The following MARCHF3 variants were observed in gnomAD, a reference collection of about 807,000 sequenced individuals.
MARCHF3 encodes the protein E3 ubiquitin-protein ligase MARCHF3.
Under a neutral mutation model 24.2 loss-of-function variants are expected in MARCHF3, and 13 were observed. That is an observed-to-expected ratio of 0.54 (90% CI 0.35 to 0.85). The LOEUF (loss-of-function observed/expected upper bound fraction) is 0.85, where lower values mean the gene tolerates loss of function less well. MARCHF3 is among the 40% of genes least tolerant of loss of function. The pLI is 0.01. For synonymous variants in MARCHF3, 144 were observed against 137.3 expected (o/e 1.05, Z -0.34); for missense variants, 276 against 325.0 (o/e 0.85, Z 1.16).
intron 1 of MARCHF3, among the ~76,000 whole-genome samples, chr5:126,953,124 C>T (rs1750311046): frequency 6.6e-6 from 1 of 152,148 alleles, no homozygotes; most frequent in Non-Finnish European, 1.5e-5. Context: ...TATAGTTGCA[C>T]TACAGATTTC....
intron 3 of MARCHF3, among the ~76,000 whole-genome samples, chr5:126,899,699 GCCACTCTACTCTT>G (rs2126781978): frequency 6.6e-6 from 1 of 152,244 alleles, no homozygotes; most frequent in Admixed American, 6.6e-5. Flanking sequence ...GGAAAGAAGT[GCCACTCTACTCTT>G]CCAGCACTTG....
rs57567399 is a variant in MARCHF3 at position 126,931,570 on chromosome 5, T to TACACAC, written c.-56-13349_-56-13344dup. Among the ~76,000 whole-genome samples, 874 of 142,868 alleles carry TACACAC rather than the reference T, an allele frequency of 6.1e-3. 7 individuals are homozygous for TACACAC. Among genetic ancestry groups the TACACAC allele is most frequent in the East Asian group, 0.024 (114 of 4,764 alleles). 93.7% of individuals were successfully genotyped at this position (142,868 alleles called of 152,430 possible). A position where few individuals can be genotyped will look rare whatever the true frequency, so the allele number is the denominator to read the frequency against. On this transcript the variant is annotated intron_variant, in intron 1 of 4. Transcript: ENST00000308660. ...GCATATCCTCTAATACATACATGAA[T>TACACAC]ACACACACACACACACACACACACA...
intron 1 of MARCHF3, among the ~76,000 whole-genome samples, chr5:126,922,569 C>T (rs1253902511): frequency 1.4e-5 from 2 of 142,008 alleles, no homozygotes; most frequent in East Asian, 2.3e-4. Flanking sequence ...ATTTTTGAGT[C>T]GGAGTCTCAC....
Position 126,878,312 on chromosome 5 carries a change from G to A in MARCHF3, c.476C>T (p.Ala159Val). The change falls in exon 4 of 5, where the codon GCC (alanine) becomes GTC (valine). Residue 159 changes from alanine (A) to valine (V), a missense_variant. By Grantham distance (64) the Ala-to-Val change is moderately conservative (BLOSUM62 0). Coordinates refer to ENST00000308660, the MANE Select transcript of MARCHF3 (RefSeq NM_178450.5). Reference sequence around the variant, plus strand: ...CAGGCACAGCCAGCCCGAGATGGTGGCCAGGGGAGTTATAAACAAGAAGCA... The same window carrying A: ...CAGGCACAGCCAGCCCGAGATGGTGACCAGGGGAGTTATAAACAAGAAGCA... ...MVCFLFITPL[A>V]TISGWLCLRG... The A allele has an allele frequency of 6.2e-7, 1 of 1,614,260 alleles. No individual in the cohort carries two copies. The highest frequency in any genetic ancestry group is 1.1e-5 in the South Asian group (1 of 91,086).
chr5:126,971,755 A>G (rs1751022040), intron 1 of MARCHF3, among the ~76,000 whole-genome samples: 1 of 152,246 alleles, frequency 6.6e-6, no homozygotes, highest in Non-Finnish European at 1.5e-5. Flanking sequence ...TTTTAATCCC[A>G]GTAAGTGACA....
In MARCHF3 at chr5:126,869,190, C is replaced by T. The variant is rs1450079577; in HGVS notation, c.*1443G>A. On this transcript the variant is annotated 3_prime_UTR_variant, in exon 5 of 5. Transcript: ENST00000308660. ...TCGCTGCCTGTTCCTTTGCACTTCT[C>T]GTTTTCCCACTTGGAACACAAGGCA... is the stretch of plus-strand genomic sequence containing the variant. 6.6e-6 allele frequency: 1 copy of T among 152,262 alleles called. No individual in the cohort carries two copies. Among genetic ancestry groups the T allele is most frequent in the African/African-American group, 2.4e-5 (1 of 41,454 alleles). The allele number at this position is 152,262 out of a possible 1,614,324, so 9.4% of individuals were successfully genotyped here.
intron 1 of MARCHF3, among the ~76,000 whole-genome samples, chr5:126,961,097 T>G (rs554898747): frequency 6.6e-5 from 10 of 152,286 alleles, no homozygotes; most frequent in African/African-American, 2.4e-4. Flanking sequence ...TTAGAGGCAA[T>G]TCCAGCTATG....
chr5:126,897,248 A>T (rs1753955058), intron 3 of MARCHF3, among the ~76,000 whole-genome samples: 1 of 151,756 alleles, frequency 6.6e-6, no homozygotes, highest in African/African-American at 2.4e-5. Context: ...CTTGTTGGTC[A>T]GGCTGGTCTT....
chr5:126,928,262 C>T lies in MARCHF3; in HGVS notation c.-56-10035G>A, dbSNP rs143316196. 8.6e-3 allele frequency among the ~76,000 whole-genome samples: 1,312 copies of T among 152,244 alleles called. 9 individuals carry two copies. Among genetic ancestry groups the T allele is most frequent in the Admixed American group, 0.017 (260 of 15,288 alleles). On this transcript the variant is annotated intron_variant, in intron 1 of 4. Transcript: ENST00000308660. ...ATTTCACTAATAAATGTGAAAAATA[C>T]ATGTAGCCAGATAAGTCCCAGGAGA...
intron 1 of MARCHF3, among the ~76,000 whole-genome samples, chr5:126,981,638 A>C (rs1190159429): frequency 1.3e-5 from 2 of 152,258 alleles, no homozygotes; most frequent in Admixed American, 6.5e-5. Flanking sequence ...TGTTACATAC[A>C]TGTTTAGTTT....
intron 1 of MARCHF3, among the ~76,000 whole-genome samples, chr5:126,954,295 C>T (rs1415397367): frequency 2.0e-5 from 3 of 151,620 alleles, no homozygotes; most frequent in Non-Finnish European, 2.9e-5. Context: ...GTGATCCGCC[C>T]GCCTCGGCCT....
intron 1 of MARCHF3, among the ~76,000 whole-genome samples, chr5:127,014,554 C>T (rs1161889849): frequency 1.3e-5 from 2 of 152,128 alleles, no homozygotes; most frequent in Non-Finnish European, 2.9e-5. Flanking sequence ...TGGAATCAAC[C>T]TAAGTGTCCA....
intron 3 of MARCHF3, among the ~76,000 whole-genome samples, chr5:126,910,797 G>C (rs572856634): frequency 1.3e-5 from 2 of 152,332 alleles, no homozygotes; most frequent in East Asian, 3.9e-4. Flanking sequence ...CAATGTTCAG[G>C]AAACAAGAGA....
intron 1 of MARCHF3, among the ~76,000 whole-genome samples, chr5:127,003,357 C>T (rs1231384043): frequency 6.6e-6 from 1 of 151,868 alleles, no homozygotes; most frequent in Non-Finnish European, 1.5e-5. Context: ...GTCCCAGCTA[C>T]TCGGAGAGGC....
At chr5:127,007,596 T>C (rs2126855059) in intron 1 of MARCHF3, among the ~76,000 whole-genome samples, 1 of 152,262 alleles carries the variant, frequency 6.6e-6, no homozygotes, top group Middle Eastern at 3.4e-3. Context: ...CTCTACAATT[T>C]TGAGATTTGG....
intron 3 of MARCHF3, among the ~76,000 whole-genome samples, chr5:126,885,714 G>A (rs1376576587): frequency 6.6e-6 from 1 of 152,152 alleles, no homozygotes; most frequent in Non-Finnish European, 1.5e-5. Flanking sequence ...GAGAAACTTT[G>A]TTGGCATATA....
At chr5:126,935,338 A>G (rs1470791604) in intron 1 of MARCHF3, among the ~76,000 whole-genome samples, 1 of 152,134 alleles carries the variant, frequency 6.6e-6, no homozygotes, top group Non-Finnish European at 1.5e-5. Context: ...CCTCCCCCAA[A>G]TAAGAAGGAA....
chr5:126,889,282 G>T (rs1753598177), intron 3 of MARCHF3, among the ~76,000 whole-genome samples: 1 of 151,964 alleles, frequency 6.6e-6, no homozygotes, highest in Non-Finnish European at 1.5e-5. Context: ...CCAAATAAGA[G>T]CCCCCACTGG....
chr5:126,994,069 T>C (rs1751867007), intron 1 of MARCHF3, among the ~76,000 whole-genome samples: 1 of 152,218 alleles, frequency 6.6e-6, no homozygotes, highest in African/African-American at 2.4e-5. Flanking sequence ...GGTATACGCA[T>C]GCTTATAGTG....
Sources: allele counts gnomAD v4.1 joint callset (sites outside exome capture counted in the v4.1 genomes callset), GRCh38; gene constraint gnomAD v4.1.1; transcripts MANE v1.5; gene names NCBI Gene and HGNC (gene_info 2026-07-23, HGNC 2026-07-21).